PCDHA9: variants seen among roughly 807,000 people sequenced by gnomAD.
PCDHA9 encodes the protein protocadherin alpha 9, also known as protocadherin alpha-9.
PCDHA9 carries 62 observed loss-of-function variants against 62.0 expected under a neutral mutation model. The ratio of observed to expected loss-of-function variants is 1.00; its 90% CI spans 0.81 to 1.23. The LOEUF is 1.23. PCDHA9 is among the 50% of genes most tolerant of loss of function. The pLI is 0.00. For synonymous variants in PCDHA9, 557 were observed against 567.6 expected (o/e 0.98, Z 0.27); for missense variants, 1,205 against 1,249.8 (o/e 0.96, Z 0.54).
chr5:140,878,027 G>C, intron 1 of PCDHA9: 1 of 699,256 alleles, frequency 1.4e-6, no homozygotes, highest in Non-Finnish European at 2.1e-6. Flanking sequence ...GAAATATGTA[G>C]GTACAATGGA....
rs1197657289 is a variant in PCDHA9 at position 140,900,491 on chromosome 5, G to A, written c.2394+49602G>A. Among the ~76,000 whole-genome samples the A allele has an allele frequency of 2.6e-5, 4 of 152,160 alleles. No homozygotes were observed. The East Asian group carries it at 7.7e-4, about 29-fold the overall frequency. On this transcript the variant is annotated intron_variant, in intron 1 of 3. Transcript: ENST00000532602. ...GGAGTTTCTCCATGTTGGTCAGACT[G>A]GTCTCAAATTCCCAGCCTCAGGTGA...
chr5:140,990,808 C>G (rs537926285), intron 3 of PCDHA9, among the ~76,000 whole-genome samples: 18 of 152,212 alleles, frequency 1.2e-4, no homozygotes, highest in Non-Finnish European at 2.4e-4. Context: ...ACAGAAGAAG[C>G]TCCCTTCTCT....
chr5:140,893,138 A>G (rs1336386852), intron 1 of PCDHA9, among the ~76,000 whole-genome samples: 1 of 152,142 alleles, frequency 6.6e-6, no homozygotes, highest in Non-Finnish European at 1.5e-5. Context: ...TTCTTTATCC[A>G]CTCATCTGTT....
intron 1 of PCDHA9, among the ~76,000 whole-genome samples, chr5:140,954,129 G>T (rs1206426573): frequency 6.6e-6 from 1 of 152,160 alleles, no homozygotes; most frequent in Non-Finnish European, 1.5e-5. Context: ...CCTTTTTATG[G>T]ATGCATAGTA....
rs781944777 is a variant in PCDHA9, at chr5:140,978,930, T to A, written c.2395-19T>A. ...TTGTCTTGTCATTTTAACAGAAAAC[T>A]CTCTTTGTGATTTTGCAGCCACGAC... On this transcript the variant is annotated intron_variant, in intron 1 of 3. Transcript: ENST00000532602. The A allele has an allele frequency of 1.2e-6, 2 of 1,614,088 alleles. No homozygotes were observed. The highest frequency in any genetic ancestry group is 8.5e-7 in the Non-Finnish European group (1 of 1,180,010).
intron 1 of PCDHA9, chr5:140,969,338 C>G: frequency 1.1e-5 from 18 of 1,613,914 alleles, no homozygotes; most frequent in Non-Finnish European, 1.4e-5. Context: ...TGAGGTGAGA[C>G]AGTGGTCAGG....
At chr5:140,893,219 G>T (rs1273209081) in intron 1 of PCDHA9, among the ~76,000 whole-genome samples, 1 of 152,194 alleles carries the variant, frequency 6.6e-6, no homozygotes. Context: ...GGAGGTGCAG[G>T]TATCACTTTG....
At chr5:140,883,773 G>T (rs1362933627) in intron 1 of PCDHA9, 4 of 1,612,256 alleles carry the variant, frequency 2.5e-6, no homozygotes, top group Admixed American at 1.7e-5. Flanking sequence ...GTGGGCGAGC[G>T]TGCGCTGTCG....
At chr5:141,002,485 C>T (rs1287282223) in intron 3 of PCDHA9, among the ~76,000 whole-genome samples, 2 of 152,154 alleles carry the variant, frequency 1.3e-5, no homozygotes, top group Non-Finnish European at 2.9e-5. Flanking sequence ...AAAGGATGAC[C>T]TTGTTATACA....
At chr5:140,895,099 T>C (rs558310890) in intron 1 of PCDHA9, among the ~76,000 whole-genome samples, 1 of 152,326 alleles carries the variant, frequency 6.6e-6, no homozygotes, top group East Asian at 1.9e-4. Flanking sequence ...ATAGGGGTTT[T>C]TGCTACAAGA....
At chr5:140,926,301 C>T (rs1554203262) in intron 1 of PCDHA9, 1 of 152,336 alleles carries the variant, frequency 6.6e-6, no homozygotes, top group Non-Finnish European at 1.5e-5. Flanking sequence ...GTCCCGCCCT[C>T]TCCGCCGGAG....
At chr5:140,914,596 C>A (rs1454753124) in intron 1 of PCDHA9, among the ~76,000 whole-genome samples, 1 of 152,128 alleles carries the variant, frequency 6.6e-6, no homozygotes, top group Non-Finnish European at 1.5e-5. Flanking sequence ...TAAGTAGGAA[C>A]TTCCTCCTGC....
At chr5:140,976,970 C>A (rs1294728864) in intron 1 of PCDHA9, among the ~76,000 whole-genome samples, 3 of 152,140 alleles carry the variant, frequency 2.0e-5, no homozygotes, top group African/African-American at 7.2e-5. Context: ...CTTTCCTTTT[C>A]CCTGCCTGAT....
chr5:140,870,891 G>A, intron 1 of PCDHA9: 2 of 1,613,964 alleles, frequency 1.2e-6, no homozygotes, highest in Non-Finnish European at 1.7e-6. Flanking sequence ...TGCGCGCAGT[G>A]GATGCGGACT....
intron 1 of PCDHA9, among the ~76,000 whole-genome samples, chr5:140,904,259 C>T (rs2070990539): frequency 6.6e-6 from 1 of 152,066 alleles, no homozygotes. Context: ...GCTTAGCTCC[C>T]ACTTATGAAT....
intron 1 of PCDHA9, chr5:140,861,475 G>C: frequency 4.1e-6 from 2 of 492,480 alleles, no homozygotes; most frequent in South Asian, 1.6e-5. Flanking sequence ...CTGCAGAATG[G>C]CATTTTTGTG....
At chr5:140,871,305 G>C (rs782666863) in intron 1 of PCDHA9, 2 of 1,613,874 alleles carry the variant, frequency 1.2e-6, no homozygotes, top group East Asian at 4.5e-5. Context: ...GCGCGCCGGG[G>C]AAGCCCACGC....
At chr5:140,879,854 C>G (rs2058149387) in intron 1 of PCDHA9, among the ~76,000 whole-genome samples, 1 of 152,200 alleles carries the variant, frequency 6.6e-6, no homozygotes, top group African/African-American at 2.4e-5. Context: ...CCCATCTCAG[C>G]CTTCTCAGCT....
chr5:140,935,554 GA>G (rs2090429733), intron 1 of PCDHA9, among the ~76,000 whole-genome samples: 1 of 152,134 alleles, frequency 6.6e-6, no homozygotes, highest in Non-Finnish European at 1.5e-5. Flanking sequence ...AAGTATCTTG[GA>G]AAAGTTCCTC....
Sources: gnomAD v4.1 joint callset for allele counts (sites outside exome capture counted in the v4.1 genomes callset) on GRCh38, gnomAD v4.1.1 for gene constraint, MANE v1.5 for transcripts, NCBI Gene and HGNC (gene_info 2026-07-23, HGNC 2026-07-21) for gene names.